The following PITRM1 variants were observed in gnomAD, a reference collection of about 807,000 sequenced individuals.
PITRM1 encodes presequence protease, mitochondrial.
A neutral mutation model predicts 129.9 loss-of-function variants in PITRM1; 100 were observed. The ratio of observed to expected loss-of-function variants is 0.77; its 90% CI spans 0.65 to 0.91. The LOEUF (loss-of-function observed/expected upper bound fraction) is 0.91. Among genes scored for constraint, PITRM1 ranks in the 40% least tolerant of loss-of-function variants. The pLI is 0.00. For synonymous variants in PITRM1, 591 were observed against 508.8 expected (o/e 1.16, Z -2.17); for missense variants, 1,471 against 1,318.3 (o/e 1.12, Z -1.79).
chr10:3,139,059 C>A lies in PITRM1; in HGVS notation c.2772-10G>T. ...TATTGTATTTGGGTCCCTAGGAAAC[C>A]CAGAGAAATAAACGGGCAAGCATTT... is the stretch of plus-strand genomic sequence containing the variant. On this transcript the variant is annotated splice_polypyrimidine_tract_variant and intron_variant, in intron 24 of 26. Coordinates refer to ENST00000224949, the MANE Select transcript of PITRM1 (RefSeq NM_014889.4). The A allele has an allele frequency of 6.2e-7, 1 of 1,612,422 alleles. No individual in the cohort carries two copies. The highest frequency in any genetic ancestry group is 8.5e-7 in the Non-Finnish European group (1 of 1,179,260).
intron 21 of PITRM1, 97 bp downstream of exon 21, chr10:3,145,499 T>C: frequency 4.8e-6 from 5 of 1,041,040 alleles, no homozygotes; most frequent in Non-Finnish European, 7.0e-6. Context: ...CCCCACATGC[T>C]GGACTGCTCT....
chr10:3,142,661 G>A (rs931080352), intron 23 of PITRM1, among the ~76,000 whole-genome samples: 5 of 152,198 alleles, frequency 3.3e-5, no homozygotes, highest in African/African-American at 9.7e-5. Context: ...AAACTCCCTC[G>A]CCCCACGCCA....
intron 14 of PITRM1, among the ~76,000 whole-genome samples, chr10:3,155,145 C>T (rs895462837): frequency 9.2e-5 from 14 of 152,172 alleles, no homozygotes. Flanking sequence ...ATGCCCACCG[C>T]TCCACCATCC....
rs1182384156 is a variant in PITRM1 at position 3,160,192 on chromosome 10, T to TG, written c.918+11dup. The TG allele has an allele frequency of 6.2e-7, 1 of 1,613,464 alleles. No homozygotes were observed. Among genetic ancestry groups the TG allele is most frequent in the Non-Finnish European group, 8.5e-7 (1 of 1,179,616 alleles). On this transcript the variant is annotated intron_variant, in intron 8 of 26. Transcript: ENST00000224949. Reference sequence around the variant, plus strand: ...TTTACCAGGAAGGACACAAACACGGTGGGGCACTCACAGGCTTGTCCCAGG... The same window carrying TG: ...TTTACCAGGAAGGACACAAACACGGTGGGGGCACTCACAGGCTTGTCCCAGG...
chr10:3,168,317 C>T (rs1235671444), intron 2 of PITRM1, among the ~76,000 whole-genome samples: 3 of 152,204 alleles, frequency 2.0e-5, no homozygotes, highest in Non-Finnish European at 4.4e-5. Context: ...CTTTTGAAGT[C>T]AGCAGATACA....
chr10:3,158,814 G>C, intron 10 of PITRM1, 100 bp downstream of exon 10: 1 of 1,146,530 alleles, frequency 8.7e-7, no homozygotes, highest in Non-Finnish European at 1.3e-6. Flanking sequence ...AAATGTTCCA[G>C]ACACTGTCAA....
At position 3,157,953 on chromosome 10, in the gene PITRM1, C is replaced by G. The variant is rs181222415; in HGVS notation, c.1250+87G>C. ...ATGTTATATGACAGAGAAGGAAGGC[C>G]GAAACAATGGATCAGGCTCAGCTTC... On this transcript the variant is annotated intron_variant, in intron 11 of 26. Transcript: ENST00000224949. 3.7e-6 allele frequency: 3 copies of G among 817,746 alleles called. No homozygotes were observed. The African/African-American group carries it at 5.0e-5, about 14-fold the overall frequency. The allele number at this position is 817,746 out of a possible 1,614,324, so 50.7% of individuals were successfully genotyped here. A position where few individuals can be genotyped will look rare whatever the true frequency, so the allele number is the denominator to read the frequency against.
chr10:3,140,630 GAGT>G, intron 24 of PITRM1, 54 bp downstream of exon 24: 2 of 1,475,176 alleles, frequency 1.4e-6, no homozygotes, highest in East Asian at 2.4e-5. Context: ...TGATAATCAT[GAGT>G]AGAAGACTAA....
chr10:3,159,187 G>T (rs753238402), intron 9 of PITRM1, 145 bp from the exon 10 acceptor site: 1 of 770,720 alleles, frequency 1.3e-6, no homozygotes. Context: ...GAGCAGAAGA[G>T]AATTTTCCTT....
intron 2 of PITRM1, 112 bp downstream of exon 2, chr10:3,169,992 G>A: frequency 1.4e-6 from 1 of 698,636 alleles, no homozygotes. Flanking sequence ...CAGGGCCTTG[G>A]GACACAAGGA....
chr10:3,165,733 A>T (rs941318195), intron 4 of PITRM1, among the ~76,000 whole-genome samples: 1 of 152,150 alleles, frequency 6.6e-6, no homozygotes, highest in African/African-American at 2.4e-5. Context: ...CCGTCTCAGG[A>T]TCTGCACTCG....
At position 3,139,060 on chromosome 10, in the gene PITRM1, C is replaced by CA; in HGVS notation, c.2772-12dup. The CA allele has an allele frequency of 6.2e-7, 1 of 1,612,406 alleles. No homozygotes were observed. Among genetic ancestry groups the CA allele is most frequent in the Non-Finnish European group, 8.5e-7 (1 of 1,179,246 alleles). On this transcript the variant is annotated splice_polypyrimidine_tract_variant and intron_variant, in intron 24 of 26. Coordinates refer to ENST00000224949, the MANE Select transcript of PITRM1 (RefSeq NM_014889.4). ...ATTGTATTTGGGTCCCTAGGAAACC[C>CA]AGAGAAATAAACGGGCAAGCATTTT...
intron 20 of PITRM1, 77 bp downstream of exon 20, chr10:3,147,073 C>T: frequency 1.3e-6 from 1 of 768,282 alleles, no homozygotes; most frequent in Non-Finnish European, 2.1e-6. Context: ...CTTGAAGTTT[C>T]TACAAGTAAG....
chr10:3,143,471 T>A lies in PITRM1; in HGVS notation c.2563A>T (p.Thr855Ser). The stretch of plus-strand genomic sequence containing the variant: ...ACCGGGAAGGGCATCAGGAAGTGAG[T>A]CTTCATCTGCCAGGGCTTGAAGGTG... ...EPTFKPWQMK[T>S]HFLMPFPVNY... The change falls in exon 23 of 27, where the codon ACT becomes TCT. Residue 855 changes from threonine (T) to serine (S), a missense_variant. Physicochemically the swap from Thr to Ser is moderately conservative, Grantham distance 58 (BLOSUM62 1). Transcript: ENST00000224949. The A allele has an allele frequency of 6.2e-7, 1 of 1,613,498 alleles. No individual in the cohort carries two copies. The highest frequency in any genetic ancestry group is 8.5e-7 in the Non-Finnish European group (1 of 1,179,514).
chr10:3,170,496 A>G (rs1843243554), intron 1 of PITRM1, among the ~76,000 whole-genome samples: 1 of 152,176 alleles, frequency 6.6e-6, no homozygotes, highest in African/African-American at 2.4e-5. Context: ...TTAAGAGACA[A>G]CTCTTAAACA....
In PITRM1 at chr10:3,158,929, A is replaced by G. The variant is rs914784387; in HGVS notation, c.1121T>C (p.Phe374Ser). 6.2e-6 allele frequency: 10 copies of G among 1,613,458 alleles called. No individual in the cohort carries two copies. The highest frequency in any genetic ancestry group is 1.1e-5 in the South Asian group (1 of 91,010). ...ALIESGLGTD[F>S]SPDVGYNGYT... is the part of the protein sequence containing the mutation. Reference sequence around the variant, plus strand: ...ATAAACTCACCCAACATCAGGAGAAAAGTCTGTGCCAAGGCCAGATTCAAT... The same window carrying G: ...ATAAACTCACCCAACATCAGGAGAAGAGTCTGTGCCAAGGCCAGATTCAAT... The change falls in exon 10 of 27, where the codon TTT (phenylalanine) becomes TCT (serine). Residue 374 changes from phenylalanine (F) to serine (S), a missense_variant. Phe to Ser is a radical substitution (Grantham distance 155). Transcript: ENST00000224949.
chr10:3,155,620 G>C lies in PITRM1; in HGVS notation c.1592C>G (p.Pro531Arg), dbSNP rs776562052. 1.2e-6 allele frequency: 2 copies of C among 1,613,876 alleles called. No homozygotes were observed. Among genetic ancestry groups the C allele is most frequent in the Non-Finnish European group, 1.7e-6 (2 of 1,179,864 alleles). ...CTCGTAGATCTGCTGCCTGTCTCCGGGGGACAGAGCCTCGACCTTCTGCTT... is the reference window on the plus strand; with the variant it reads ...CTCGTAGATCTGCTGCCTGTCTCCGCGGGACAGAGCCTCGACCTTCTGCTT... ...KLKQKVEALS[P>R]GDRQQIYEKG... Residue 531 changes from proline to arginine, a missense_variant, in exon 14 of 27, where the codon CCC becomes CGC. Physicochemically the swap from Pro to Arg is moderately radical, Grantham distance 103 (BLOSUM62 -2). Coordinates refer to ENST00000224949, the MANE Select transcript of PITRM1 (RefSeq NM_014889.4).
chr10:3,163,050 T>C (rs1378891690), intron 7 of PITRM1: 1 of 152,248 alleles, frequency 6.6e-6, no homozygotes, highest in East Asian at 1.9e-4. Flanking sequence ...ACGTCTATAA[T>C]TTACTTCCAA....
chr10:3,172,671 C>G, intron 1 of PITRM1, 46 bp downstream of exon 1: 2 of 1,515,572 alleles, frequency 1.3e-6, no homozygotes, highest in Non-Finnish European at 1.8e-6. Context: ...GGACCCTCCC[C>G]TCCCGGGTAC....
Sources: gnomAD v4.1 joint callset for allele counts (sites outside exome capture counted in the v4.1 genomes callset) on GRCh38, gnomAD v4.1.1 for gene constraint, MANE v1.5 for transcripts, NCBI Gene and HGNC (gene_info 2026-07-23, HGNC 2026-07-21) for gene names.